LPCAT2: variants seen among roughly 807,000 people sequenced by gnomAD.
The protein encoded by LPCAT2 is 1-AGP acyltransferase 11.
In LPCAT2, 58 loss-of-function variants were observed where a neutral mutation model predicts 64.7. The observed-to-expected ratio is 0.90, with a 90% confidence interval of 0.73 to 1.12. The LOEUF is 1.12. Ranked by LOEUF, LPCAT2 falls within the 50% of genes most tolerant of loss-of-function variation. The probability of loss-of-function intolerance (pLI) is 0.00; values close to 1 mark genes in which losing one functional copy is unlikely to be tolerated. For synonymous variants in LPCAT2, 252 were observed against 245.3 expected (o/e 1.03, Z -0.26); for missense variants, 579 against 669.8 (o/e 0.86, Z 1.50).
At chr16:55,521,196 A>G (rs1963090738) in intron 1 of LPCAT2, among the ~76,000 whole-genome samples, 1 of 151,824 alleles carries the variant, frequency 6.6e-6, no homozygotes, top group African/African-American at 2.4e-5. Context: ...CTAATAAGGG[A>G]ACATTATTAA....
In LPCAT2 at chr16:55,509,223, G is replaced by A. The variant is rs1183666393; in HGVS notation, c.42G>A (p.Val14=). The part of the protein sequence containing the change: ...CAQAAEVAAT[V]PGAGVGNVGL... ...AGGCGGCGGAAGTGGCGGCCACAGT[G>A]CCAGGTGCCGGCGTCGGGAACGTGG... is the stretch of plus-strand genomic sequence containing the variant. The change falls in exon 1 of 14, where the codon GTG becomes GTA. Residue 14 remains valine, a synonymous_variant. Transcript: ENST00000262134. The A allele has an allele frequency of 2.7e-6, 4 of 1,456,092 alleles. No individual in the cohort carries two copies. In the East Asian group the frequency reaches 8.3e-5, roughly 30 times the overall value. 90.2% of individuals were successfully genotyped at this position (1,456,092 alleles called of 1,614,324 possible). A position where few individuals can be genotyped will look rare whatever the true frequency, so the allele number is the denominator to read the frequency against.
At chr16:55,531,134 A>G (rs1209192826) in intron 4 of LPCAT2, among the ~76,000 whole-genome samples, 1 of 152,170 alleles carries the variant, frequency 6.6e-6, no homozygotes, top group South Asian at 2.1e-4. Context: ...TTTTTATTTT[A>G]TAAATAACCT....
In LPCAT2 at chr16:55,537,583, A is replaced by C. The variant is rs749067663; in HGVS notation, c.803A>C (p.Gln268Pro). ...CTTTTCTTTTTTCTCTTCAGCATTC[A>C]GCTTTGTATGCTTACTTTCTGCCAG... ...TWTWQGYTFI[Q>P]LCMLTFCQLF... Residue 268 changes from glutamine (Q) to proline (P), a missense_variant, in exon 8 of 14, where the codon CAG (glutamine) becomes CCG (proline). Physicochemically the swap from Gln to Pro is moderately conservative, Grantham distance 76. Coordinates refer to ENST00000262134, the MANE Select transcript of LPCAT2 (RefSeq NM_017839.5). 4 of 1,612,766 alleles carry C rather than the reference A, an allele frequency of 2.5e-6. No individual in the cohort carries two copies. The highest frequency in any genetic ancestry group is 3.4e-6 in the Non-Finnish European group (4 of 1,179,300).
At chr16:55,566,944 C>A in intron 11 of LPCAT2, 8 of 1,613,872 alleles carry the variant, frequency 5.0e-6, no homozygotes, top group Non-Finnish European at 5.1e-6. Flanking sequence ...CCGCCTCCCA[C>A]TCAGCAGCAT....
At chr16:55,552,531 A>C (rs1963529386) in intron 11 of LPCAT2, among the ~76,000 whole-genome samples, 1 of 152,108 alleles carries the variant, frequency 6.6e-6, no homozygotes, top group South Asian at 2.1e-4. Flanking sequence ...ATTCATTCTG[A>C]AGGATATTTT....
chr16:55,573,788 TTC>T (rs1567406868), intron 11 of LPCAT2, among the ~76,000 whole-genome samples: 1 of 151,970 alleles, frequency 6.6e-6, no homozygotes, highest in Non-Finnish European at 1.5e-5. Flanking sequence ...TCTTTTTTAG[TTC>T]TCTGTCTGGC....
intron 1 of LPCAT2, among the ~76,000 whole-genome samples, chr16:55,523,892 G>GT (rs1164037172): frequency 9.2e-5 from 14 of 151,814 alleles, no homozygotes; most frequent in African/African-American, 3.4e-4. Context: ...TAAAATAGGT[G>GT]TTTTTTCTTT....
intron 6 of LPCAT2, among the ~76,000 whole-genome samples, chr16:55,533,683 G>A (rs942238414): frequency 6.6e-6 from 1 of 152,060 alleles, no homozygotes; most frequent in Non-Finnish European, 1.5e-5. Flanking sequence ...AAAGTGCTGG[G>A]ATTACAGGCA....
intron 12 of LPCAT2, among the ~76,000 whole-genome samples, chr16:55,576,057 C>T (rs1963824104): frequency 6.6e-6 from 1 of 152,044 alleles, no homozygotes; most frequent in Admixed American, 6.6e-5. Context: ...CAATGAAAGA[C>T]CTGATATAAA....
chr16:55,562,653 C>A (rs1172671227), intron 11 of LPCAT2, among the ~76,000 whole-genome samples: 3 of 151,882 alleles, frequency 2.0e-5, no homozygotes, highest in Non-Finnish European at 2.9e-5. Flanking sequence ...GCACAGCCAT[C>A]CTGCTTTATT....
In LPCAT2 at chr16:55,585,350, A is replaced by G. The variant is rs1218732946; in HGVS notation, c.*2252A>G. 6.6e-6 allele frequency: 1 copy of G among 152,204 alleles called. No homozygotes were observed. Among genetic ancestry groups the G allele is most frequent in the Non-Finnish European group, 1.5e-5 (1 of 68,034 alleles). The allele number at this position is 152,204 out of a possible 1,614,324, so 9.4% of individuals were successfully genotyped here. A position where few individuals can be genotyped will look rare whatever the true frequency, so the allele number is the denominator to read the frequency against. On this transcript the variant is annotated 3_prime_UTR_variant, in exon 14 of 14. Transcript: ENST00000262134. ...CTCAAATTTTGCCCAAAGTAGCAAT[A>G]TTCTTAAAGATGTTGAATTTTGACT...
chr16:55,575,053 C>T (rs1453377768), intron 12 of LPCAT2, among the ~76,000 whole-genome samples: 1 of 152,178 alleles, frequency 6.6e-6, no homozygotes, highest in African/African-American at 2.4e-5. Context: ...TAAACACCAC[C>T]TGTCACTAGT....
In LPCAT2 at chr16:55,550,999, C is replaced by A. The variant is rs139462449; in HGVS notation, c.1112C>A (p.Ala371Glu). 3.1e-6 allele frequency: 5 copies of A among 1,609,114 alleles called. No homozygotes were observed. The highest frequency in any genetic ancestry group is 4.2e-6 in the Non-Finnish European group (5 of 1,176,656). ...RKHLDEYASI[A>E]SSSKGGRIGI... ...CATTTGGATGAATATGCATCTATTG[C>A]GAGTTCCTCAAAAGGAGGAAGAATT... The change falls in exon 11 of 14, where the codon GCG becomes GAG. Residue 371 changes from alanine to glutamate, a missense_variant. Ala to Glu is a moderately radical substitution (Grantham distance 107). Coordinates refer to ENST00000262134, the MANE Select transcript of LPCAT2 (RefSeq NM_017839.5).
At chr16:55,576,330 T>C (rs56946175) in intron 12 of LPCAT2, among the ~76,000 whole-genome samples, 5,079 of 152,264 alleles carry the variant, frequency 0.033, 98 homozygotes, top group East Asian at 0.11. Context: ...TTCTTTTACA[T>C]ACTTTTATTT....
intron 7 of LPCAT2, among the ~76,000 whole-genome samples, chr16:55,536,018 T>G (rs1055316547): frequency 1.3e-5 from 2 of 152,186 alleles, no homozygotes; most frequent in African/African-American, 4.8e-5. Flanking sequence ...GAGTCAAAAA[T>G]TTTTCAGGAC....
chr16:55,583,094 A>T lies in LPCAT2; in HGVS notation c.1631A>T (p.Asp544Val), dbSNP rs1555498486. 5 of 1,610,590 alleles carry T rather than the reference A, an allele frequency of 3.1e-6. No homozygotes were observed. Among genetic ancestry groups the T allele is most frequent in the Non-Finnish European group, 4.2e-6 (5 of 1,177,960 alleles). ...GAGAGTACCTCAGACAAAAAAGATG[A>T]CTGAAAGCAGTATTTCCAATAAGGA... ...HEESTSDKKDD is the reference protein window; with the variant it reads ...HEESTSDKKDV Residue 544 changes from aspartate to valine, a missense_variant, in exon 14 of 14, where the codon GAC becomes GTC. Asp to Val is a radical substitution (Grantham distance 152). Transcript: ENST00000262134.
At chr16:55,548,496 T>C (rs1963478911) in intron 9 of LPCAT2, among the ~76,000 whole-genome samples, 1 of 152,312 alleles carries the variant, frequency 6.6e-6, no homozygotes, top group African/African-American at 2.4e-5. Context: ...ACTTACACTA[T>C]ATACAAATGC....
Position 55,571,306 on chromosome 16 carries a change from C to T in LPCAT2, c.1216-3325C>T, listed in dbSNP as rs530535655. ...TATTTGAACAAGTAGCCTAGAGCTT[C>T]CTGCTGGCCCTGAAAGCTGGTGTTG... is the stretch of plus-strand genomic sequence containing the variant. On this transcript the variant is annotated intron_variant, in intron 11 of 13. Coordinates refer to ENST00000262134, the MANE Select transcript of LPCAT2 (RefSeq NM_017839.5). Among the ~76,000 whole-genome samples, 255 of 152,198 alleles carry T rather than the reference C, an allele frequency of 1.7e-3. 1 individual carries two copies. Among genetic ancestry groups the T allele is most frequent in the Middle Eastern group, 0.01 (3 of 294 alleles).
chr16:55,579,229 G>T lies in LPCAT2; in HGVS notation c.1435G>T (p.Asp479Tyr). Reference protein sequence around the residue: ...SGLFKEIAQGDSISYEEFKSF... With the variant: ...SGLFKEIAQGYSISYEEFKSF... ...TCTCTTCAAGGAAATAGCCCAAGGGGACTCAATTTCCTATGGTGAGTAGGC... is the reference window on the plus strand; with the variant it reads ...TCTCTTCAAGGAAATAGCCCAAGGGTACTCAATTTCCTATGGTGAGTAGGC... Residue 479 changes from aspartate (D) to tyrosine (Y), a missense_variant, in exon 13 of 14, where the codon GAC becomes TAC. Transcript: ENST00000262134. 6.2e-7 allele frequency: 1 copy of T among 1,612,706 alleles called. No individual in the cohort carries two copies. Among genetic ancestry groups the T allele is most frequent in the South Asian group, 1.1e-5 (1 of 90,908 alleles).
Sources: allele counts gnomAD v4.1 joint callset (sites outside exome capture counted in the v4.1 genomes callset), GRCh38; gene constraint gnomAD v4.1.1; transcripts MANE v1.5; gene names NCBI Gene and HGNC (gene_info 2026-07-23, HGNC 2026-07-21).